KCNN2: variants seen among roughly 807,000 people sequenced by gnomAD.
The protein encoded by KCNN2 is small conductance calcium-activated potassium channel protein 2.
A neutral mutation model predicts 55.5 loss-of-function variants in KCNN2; 24 were observed. That is an observed-to-expected ratio of 0.43 (90% confidence interval 0.31 to 0.61). KCNN2 has a LOEUF of 0.61. Ranked by LOEUF, KCNN2 falls within the 20% of genes least tolerant of loss-of-function variation. The pLI is 0.08. For synonymous variants in KCNN2, 431 were observed against 336.1 expected (o/e 1.28, Z -3.09); for missense variants, 754 against 853.6 (o/e 0.88, Z 1.45).
At chr5:114,383,779 T>G (rs1758198791) in intron 2 of KCNN2, among the ~76,000 whole-genome samples, 1 of 152,214 alleles carries the variant, frequency 6.6e-6, no homozygotes. Flanking sequence ...ACTTAATGCT[T>G]TTAAATGCAT....
chr5:114,479,602 T>G (rs1762133375), intron 5 of KCNN2, among the ~76,000 whole-genome samples: 1 of 152,186 alleles, frequency 6.6e-6, no homozygotes, highest in Non-Finnish European at 1.5e-5. Context: ...ATGTGGCACT[T>G]AATGTAAAAT....
chr5:114,086,978 G>T (rs193238975), intron 1 of KCNN2, among the ~76,000 whole-genome samples: 155 of 151,444 alleles, frequency 1.0e-3, no homozygotes, highest in African/African-American at 3.6e-3. Context: ...AGCCATTTCT[G>T]ATTGGTGTGA....
intron 3 of KCNN2, among the ~76,000 whole-genome samples, chr5:114,447,332 T>C (rs540597116): frequency 6.6e-6 from 1 of 152,328 alleles, no homozygotes; most frequent in South Asian, 2.1e-4. Flanking sequence ...GAGAACTGAA[T>C]GGTTTTAGAT....
chr5:114,278,966 C>G (rs1295977183), intron 2 of KCNN2, among the ~76,000 whole-genome samples: 1 of 152,166 alleles, frequency 6.6e-6, no homozygotes, highest in African/African-American at 2.4e-5. Context: ...TCCCTGGGAG[C>G]TGCAGATCGG....
intron 1 of KCNN2, among the ~76,000 whole-genome samples, chr5:114,163,856 G>C (rs537315176): frequency 6.6e-6 from 1 of 152,212 alleles, no homozygotes; most frequent in Non-Finnish European, 1.5e-5. Flanking sequence ...TGCTATGGCT[G>C]TTATTAATGA....
intron 2 of KCNN2, among the ~76,000 whole-genome samples, chr5:114,369,216 A>G (rs1285779603): frequency 6.6e-6 from 1 of 152,214 alleles, no homozygotes; most frequent in Non-Finnish European, 1.5e-5. Flanking sequence ...AATATTTATT[A>G]AAGAAATCTA....
intron 1 of KCNN2, among the ~76,000 whole-genome samples, chr5:114,112,935 A>C (rs1359539791): frequency 6.6e-6 from 1 of 152,032 alleles, no homozygotes; most frequent in African/African-American, 2.4e-5. Context: ...TATATCTGAA[A>C]ACTTGAAAGG....
chr5:114,211,761 C>G (rs537400693), intron 1 of KCNN2, among the ~76,000 whole-genome samples: 3 of 152,058 alleles, frequency 2.0e-5, no homozygotes, highest in South Asian at 4.2e-4. Flanking sequence ...AATGAGAGTG[C>G]TATTTTCTAT....
At chr5:114,334,034 TG>T (rs2150034083) in intron 2 of KCNN2, among the ~76,000 whole-genome samples, 1 of 152,344 alleles carries the variant, frequency 6.6e-6, no homozygotes, top group South Asian at 2.1e-4. Flanking sequence ...ACATGTTTTG[TG>T]GGTTCAATTC....
chr5:114,411,782 C>T (rs187541130), intron 3 of KCNN2, among the ~76,000 whole-genome samples: 4 of 152,270 alleles, frequency 2.6e-5, no homozygotes, highest in South Asian at 2.1e-4. Context: ...TCACTCAGTT[C>T]GCTGACTCAC....
intron 2 of KCNN2, among the ~76,000 whole-genome samples, chr5:114,329,338 G>A (rs756857448): frequency 4.6e-5 from 7 of 152,222 alleles, no homozygotes; most frequent in Non-Finnish European, 7.3e-5. Context: ...TGGACTGGGA[G>A]AGGCAGACCC....
intron 1 of KCNN2, among the ~76,000 whole-genome samples, chr5:114,196,788 T>C (rs1222080678): frequency 6.6e-6 from 1 of 152,120 alleles, no homozygotes; most frequent in Non-Finnish European, 1.5e-5. Flanking sequence ...TTCAAAGTAC[T>C]AACTTTTGGT....
intron 1 of KCNN2, among the ~76,000 whole-genome samples, chr5:114,115,186 A>G (rs1751686613): frequency 6.6e-6 from 1 of 152,132 alleles, no homozygotes; most frequent in African/African-American, 2.4e-5. Flanking sequence ...TGATTTTATT[A>G]AAAATAAGCT....
intron 2 of KCNN2, among the ~76,000 whole-genome samples, chr5:114,284,508 T>C (rs1196403041): frequency 6.6e-6 from 1 of 152,164 alleles, no homozygotes; most frequent in Non-Finnish European, 1.5e-5. Context: ...AGGTAAAAGA[T>C]CATCTCCATT....
chr5:114,401,092 T>G (rs1758775567), intron 2 of KCNN2, among the ~76,000 whole-genome samples: 1 of 152,012 alleles, frequency 6.6e-6, no homozygotes, highest in South Asian at 2.1e-4. Context: ...TGGCACATAG[T>G]ATTTAGTACA....
At chr5:114,380,572 T>C (rs1394901080) in intron 2 of KCNN2, among the ~76,000 whole-genome samples, 1 of 152,222 alleles carries the variant, frequency 6.6e-6, no homozygotes, top group African/African-American at 2.4e-5. Context: ...GCCCATCTCA[T>C]GAGCTACTGT....
rs1437978619 is a variant in KCNN2 at position 114,070,786 on chromosome 5, A to G, written c.-271+14286A>G. 3.3e-5 allele frequency among the ~76,000 whole-genome samples: 5 copies of G among 152,300 alleles called. No individual in the cohort carries two copies. In the East Asian group the frequency reaches 9.6e-4, roughly 29 times the overall value. ...ACTGAGACAGGTCTGAATGCTTCCT[A>G]GTGTGTAAAGGTGGGCAGGTTACCA... On this transcript the variant is annotated intron_variant, in intron 1 of 10. Transcript: ENST00000512097.
Position 114,487,019 on chromosome 5 carries a change from T to G in KCNN2, c.1891-31T>G, listed in dbSNP as rs764312687. ...GTTACAAAGGATTCTGCTCTGGAAT[T>G]TATCAACTGCTTTGTTTGTTCTCTT... On this transcript the variant is annotated intron_variant, in intron 5 of 7. Coordinates refer to ENST00000673685, the MANE Select transcript of KCNN2 (RefSeq NM_021614.4). The G allele has an allele frequency of 1.9e-6, 3 of 1,611,574 alleles. No individual in the cohort carries two copies. The East Asian group carries it at 6.7e-5, about 36-fold the overall frequency.
intron 2 of KCNN2, among the ~76,000 whole-genome samples, chr5:114,250,537 T>C (rs1315271917): frequency 1.3e-5 from 2 of 152,106 alleles, no homozygotes; most frequent in Non-Finnish European, 2.9e-5. Context: ...ACATTTCCAG[T>C]AGTTGGATGG....
Sources: gnomAD v4.1 joint callset for allele counts (sites outside exome capture counted in the v4.1 genomes callset) on GRCh38, gnomAD v4.1.1 for gene constraint, MANE v1.5 for transcripts, NCBI Gene and HGNC (gene_info 2026-07-23, HGNC 2026-07-21) for gene names.